Variants in TASP1 observed in about 807,000 individuals in gnomAD.
The protein encoded by TASP1 is threonine aspartase 1.
A neutral mutation model predicts 56.6 loss-of-function variants in TASP1; 16 were observed. The ratio of observed to expected loss-of-function variants is 0.28; its 90% CI spans 0.19 to 0.43. The LOEUF is 0.43. TASP1 is among the 20% of genes least tolerant of loss of function. TASP1 has a pLI of 1.00. For missense variants in TASP1, 393 were observed against 511.6 expected (o/e 0.77, Z 2.24); for synonymous variants, 179 against 184.2 (o/e 0.97, Z 0.23).
chr20:13,390,880 A>G (rs968898140), intron 13 of TASP1, among the ~76,000 whole-genome samples: 3 of 152,246 alleles, frequency 2.0e-5, no homozygotes, highest in Non-Finnish European at 2.9e-5. Flanking sequence ...TTTATATCCC[A>G]AATTTATTCC....
the TASP1 span, among the ~76,000 whole-genome samples, chr20:13,231,491 C>A: frequency 1.3e-5 from 2 of 152,134 alleles, no homozygotes; most frequent in South Asian, 2.1e-4. Context: ...GGATGAGTAA[C>A]AATGGGGAGG....
the TASP1 span, among the ~76,000 whole-genome samples, chr20:13,180,847 G>T: frequency 1.3e-5 from 2 of 152,200 alleles, no homozygotes; most frequent in Admixed American, 6.5e-5. Context: ...AGATGCTCAT[G>T]TTCTGGCAAA....
intron 11 of TASP1, among the ~76,000 whole-genome samples, chr20:13,456,870 A>G (rs1397245951): frequency 1.3e-5 from 2 of 152,198 alleles, no homozygotes; most frequent in Non-Finnish European, 2.9e-5. Context: ...TAGGAAAAAA[A>G]TGGTCAGAAT....
the TASP1 span, among the ~76,000 whole-genome samples, chr20:13,254,437 A>G: frequency 6.6e-6 from 1 of 151,838 alleles, no homozygotes; most frequent in Non-Finnish European, 1.5e-5. Flanking sequence ...TCAGAATTGA[A>G]TTCAAGAGAG....
chr20:13,328,600 T>C, the TASP1 span, among the ~76,000 whole-genome samples: 176 of 152,332 alleles, frequency 1.2e-3, no homozygotes, highest in African/African-American at 3.9e-3. Context: ...ATGTGGTACA[T>C]ATACAACATG....
chr20:13,362,706 T>C, the TASP1 span, among the ~76,000 whole-genome samples: 9 of 151,492 alleles, frequency 5.9e-5, no homozygotes, highest in African/African-American at 2.2e-4. Flanking sequence ...ACATACTGCA[T>C]GATTCTGTTT....
At chr20:13,268,045 A>G in the TASP1 span, among the ~76,000 whole-genome samples, 1 of 152,192 alleles carries the variant, frequency 6.6e-6, no homozygotes, top group Admixed American at 6.5e-5. Flanking sequence ...GCATTCAGCT[A>G]TCTCCCCTTT....
At chr20:13,573,857 TAG>T (rs759373673) in intron 6 of TASP1, among the ~76,000 whole-genome samples, 8 of 152,288 alleles carry the variant, frequency 5.3e-5, no homozygotes, top group Non-Finnish European at 1.0e-4. Flanking sequence ...ACTGCAATCA[TAG>T]AGTTCACCTT....
At chr20:13,415,067 GTTTTAAC>G (rs2042210462) in intron 13 of TASP1, among the ~76,000 whole-genome samples, 1 of 152,110 alleles carries the variant, frequency 6.6e-6, no homozygotes, top group Non-Finnish European at 1.5e-5. Context: ...GGGCACAAGT[GTTTTAAC>G]TTTTAAAAAT....
chr20:13,324,926 C>A, the TASP1 span, among the ~76,000 whole-genome samples: 2 of 152,192 alleles, frequency 1.3e-5, no homozygotes, highest in African/African-American at 4.8e-5. Flanking sequence ...ATACAAGGAT[C>A]CCTAGCTTTG....
chr20:13,630,222 T>C lies in TASP1; in HGVS notation c.-74-70A>G, dbSNP rs1055253710. 8 of 783,898 alleles carry C rather than the reference T, an allele frequency of 1.0e-5. No individual in the cohort carries two copies. The African/African-American group carries it at 1.1e-4, about 11-fold the overall frequency. The allele number at this position is 783,898 out of a possible 1,614,324, so 48.6% of individuals were successfully genotyped here. A position where few individuals can be genotyped will look rare whatever the true frequency, so the allele number is the denominator to read the frequency against. On this transcript the variant is annotated intron_variant, in intron 1 of 13. Coordinates refer to ENST00000337743, the MANE Select transcript of TASP1 (RefSeq NM_017714.3). ...CACATAAGTTACTTACACAAATTCA[T>C]GCAAAGATAATGTTCAAAAATCCTA...
chr20:13,527,210 T>C (rs1486866609), intron 10 of TASP1, among the ~76,000 whole-genome samples: 1 of 152,070 alleles, frequency 6.6e-6, no homozygotes, highest in Non-Finnish European at 1.5e-5. Flanking sequence ...CCAGGATCTA[T>C]GCTACATGCA....
At chr20:13,369,148 A>G in the TASP1 span, among the ~76,000 whole-genome samples, 3 of 152,184 alleles carry the variant, frequency 2.0e-5, no homozygotes, top group Admixed American at 2.0e-4. Flanking sequence ...GAGATGACCA[A>G]TAATGTATAT....
chr20:13,277,879 C>T, the TASP1 span, among the ~76,000 whole-genome samples: 9 of 152,116 alleles, frequency 5.9e-5, no homozygotes, highest in African/African-American at 1.4e-4. Flanking sequence ...AACCACAGCC[C>T]GGGCCCATTG....
chr20:13,173,739 G>T, the TASP1 span, among the ~76,000 whole-genome samples: 2 of 152,122 alleles, frequency 1.3e-5, no homozygotes, highest in Non-Finnish European at 2.9e-5. Flanking sequence ...GACCCTCCTG[G>T]GTTTCATTAG....
At chr20:13,528,316 C>T (rs944266610) in intron 10 of TASP1, 117 bp downstream of exon 10, 2 of 723,116 alleles carry the variant, frequency 2.8e-6, no homozygotes, top group African/African-American at 1.7e-5. Context: ...AAGATCTTTC[C>T]CACATCCATA....
the TASP1 span, among the ~76,000 whole-genome samples, chr20:13,345,370 G>A: frequency 9.2e-5 from 14 of 152,192 alleles, no homozygotes; most frequent in Non-Finnish European, 1.5e-5. Flanking sequence ...ATGGCTGGCT[G>A]GCAGGACCAC....
intron 11 of TASP1, among the ~76,000 whole-genome samples, chr20:13,468,525 C>G (rs1191217382): frequency 4.6e-5 from 7 of 152,132 alleles, no homozygotes; most frequent in African/African-American, 1.7e-4. Flanking sequence ...AACTTCACAA[C>G]TATAAAAATC....
rs1237668338 is a variant in TASP1, at chr20:13,389,606, T to C, written c.*754A>G. 1.3e-5 allele frequency: 2 copies of C among 152,668 alleles called. No homozygotes were observed. The highest frequency in any genetic ancestry group is 2.9e-5 in the Non-Finnish European group (2 of 68,046). 9.5% of individuals were successfully genotyped at this position (152,668 alleles called of 1,614,324 possible). Reference sequence around the variant, plus strand: ...ACACAAATTAAGGACTGTGCATTACTGTATGTTCTCTTTACATATTCTTTC... The same window carrying C: ...ACACAAATTAAGGACTGTGCATTACCGTATGTTCTCTTTACATATTCTTTC... On this transcript the variant is annotated 3_prime_UTR_variant, in exon 14 of 14. Coordinates refer to ENST00000337743, the MANE Select transcript of TASP1 (RefSeq NM_017714.3).
Sources: gnomAD v4.1 joint callset for allele counts (sites outside exome capture counted in the v4.1 genomes callset) on GRCh38, gnomAD v4.1.1 for gene constraint, MANE v1.5 for transcripts, NCBI Gene and HGNC (gene_info 2026-07-23, HGNC 2026-07-21) for gene names.